Variants in TSPAN18 observed in about 807,000 individuals in gnomAD.
The protein encoded by TSPAN18 is tetraspanin-18.
In TSPAN18, 14 loss-of-function variants were observed where a neutral mutation model predicts 27.3. The observed-to-expected ratio is 0.51, with a 90% confidence interval of 0.34 to 0.80. The LOEUF (loss-of-function observed/expected upper bound fraction) is 0.80, where lower values mean the gene tolerates loss of function less well. Ranked by LOEUF, TSPAN18 falls within the 30% of genes least tolerant of loss-of-function variation. TSPAN18 has a pLI of 0.01. For missense variants in TSPAN18, 268 were observed against 323.9 expected (o/e 0.83, Z 1.32); for synonymous variants, 143 against 136.5 (o/e 1.05, Z -0.33).
At chr11:44,909,996 A>G (rs1483708172) in intron 5 of TSPAN18, 97 bp downstream of exon 5, 5 of 1,412,854 alleles carry the variant, frequency 3.5e-6, no homozygotes, top group Middle Eastern at 1.9e-4. Flanking sequence ...CATTCAGACC[A>G]GTGCTTCCCA....
In TSPAN18 at chr11:44,790,406, C is replaced by CGTGTGTGCAT. The variant is rs528529126; in HGVS notation, c.-153+25912_-153+25921dup. ...GTGTGTGCATGTGCTCTTGCTTGTA[C>CGTGTGTGCAT]GTGTGTGCATGTGTGTGCATGTGTG... On this transcript the variant is annotated intron_variant, in intron 2 of 9. Transcript: ENST00000520358. Among the ~76,000 whole-genome samples, 6 of 123,594 alleles carry CGTGTGTGCAT rather than the reference C, an allele frequency of 4.9e-5. No homozygotes were observed. The East Asian group carries it at 1.4e-3, about 28-fold the overall frequency. The allele number at this position is 123,594 out of a possible 152,430, so 81.1% of individuals were successfully genotyped here.
At chr11:44,819,122 G>GC (rs2135116897) in intron 2 of TSPAN18, among the ~76,000 whole-genome samples, 1 of 152,328 alleles carries the variant, frequency 6.6e-6, no homozygotes, top group Admixed American at 6.5e-5. Context: ...AAGGAGTCAG[G>GC]CTGCTCTGAG....
chr11:44,862,650 C>T (rs1252719739), intron 3 of TSPAN18, among the ~76,000 whole-genome samples: 1 of 152,242 alleles, frequency 6.6e-6, no homozygotes, highest in African/African-American at 2.4e-5. Flanking sequence ...CTGACCTCTC[C>T]TCTGGGAGAT....
At chr11:44,919,716 C>T (rs1020302830) in intron 7 of TSPAN18, 101 bp from the exon 8 acceptor site, 3 of 1,233,568 alleles carry the variant, frequency 2.4e-6, no homozygotes, top group Admixed American at 1.9e-5. Context: ...CACACCCAGT[C>T]TTCTGATGCC....
intron 2 of TSPAN18, among the ~76,000 whole-genome samples, chr11:44,849,057 T>C (rs555471858): frequency 6.7e-4 from 102 of 152,344 alleles, no homozygotes; most frequent in African/African-American, 2.4e-3. Context: ...AGCTGGGTTG[T>C]TGGTTTTGAG....
chr11:44,742,964 C>T (rs2134829403), intron 1 of TSPAN18, among the ~76,000 whole-genome samples: 1 of 152,324 alleles, frequency 6.6e-6, no homozygotes, highest in African/African-American at 2.4e-5. Context: ...GGCATCTGCT[C>T]TCATACTCCT....
At chr11:44,908,778 A>AAGGAAAG (rs1859571946) in intron 4 of TSPAN18, among the ~76,000 whole-genome samples, 1 of 112,398 alleles carries the variant, frequency 8.9e-6, no homozygotes, top group South Asian at 3.2e-4. Context: ...GGAGAAAGAA[A>AAGGAAAG]GAAAGAAAGA....
chr11:44,903,184 G>T (rs1048623673), intron 3 of TSPAN18, among the ~76,000 whole-genome samples: 1 of 152,016 alleles, frequency 6.6e-6, no homozygotes, highest in African/African-American at 2.4e-5. Context: ...ACTGAGCTTG[G>T]CTTGATGGGG....
At chr11:44,790,031 A>G (rs1378714868) in intron 2 of TSPAN18, among the ~76,000 whole-genome samples, 3 of 152,130 alleles carry the variant, frequency 2.0e-5, no homozygotes, top group Non-Finnish European at 4.4e-5. Flanking sequence ...GTGTCCTCAT[A>G]CTGTCCCTGA....
At chr11:44,816,729 C>T (rs1164202184) in intron 2 of TSPAN18, among the ~76,000 whole-genome samples, 1 of 152,212 alleles carries the variant, frequency 6.6e-6, no homozygotes, top group Non-Finnish European at 1.5e-5. Flanking sequence ...AGTTCTGCCT[C>T]CAAATGCAAG....
At chr11:44,800,119 A>T (rs1258113514) in intron 2 of TSPAN18, among the ~76,000 whole-genome samples, 1 of 150,588 alleles carries the variant, frequency 6.6e-6, no homozygotes, top group African/African-American at 2.4e-5. Flanking sequence ...GGCCTCCCAA[A>T]CTGCTGGGGT....
intron 8 of TSPAN18, chr11:44,925,604 A>G (rs986157999): frequency 6.6e-6 from 1 of 152,224 alleles, no homozygotes; most frequent in Admixed American, 6.5e-5. Context: ...AGAAGTGAGC[A>G]TGTCAGCACC....
chr11:44,742,611 C>T (rs1183163823), intron 1 of TSPAN18, among the ~76,000 whole-genome samples: 4 of 152,158 alleles, frequency 2.6e-5, no homozygotes, highest in South Asian at 4.2e-4. Context: ...GTTCACTTCT[C>T]GTGTCTCAAG....
chr11:44,868,573 T>G (rs369406941), intron 3 of TSPAN18, among the ~76,000 whole-genome samples: 74 of 152,290 alleles, frequency 4.9e-4, no homozygotes, highest in East Asian at 1.5e-3. Flanking sequence ...TCCTTGCTGC[T>G]TTCCTAGGGC....
chr11:44,849,475 A>T (rs561881499), intron 2 of TSPAN18, among the ~76,000 whole-genome samples: 9 of 152,292 alleles, frequency 5.9e-5, no homozygotes, highest in African/African-American at 2.2e-4. Flanking sequence ...TGCCCCCAAC[A>T]GAGGCAAGGG....
chr11:44,876,341 G>A (rs906535967), intron 3 of TSPAN18, among the ~76,000 whole-genome samples: 24 of 152,212 alleles, frequency 1.6e-4, no homozygotes, highest in Non-Finnish European at 3.4e-4. Flanking sequence ...CCTGGACACT[G>A]TAGAAGGCAC....
intron 3 of TSPAN18, among the ~76,000 whole-genome samples, chr11:44,883,507 T>C (rs1348656899): frequency 6.6e-6 from 1 of 152,200 alleles, no homozygotes; most frequent in Non-Finnish European, 1.5e-5. Context: ...GGTTACAGGG[T>C]GTGCTGAGGC....
chr11:44,895,474 A>C (rs1357125820), intron 3 of TSPAN18, among the ~76,000 whole-genome samples: 1 of 152,230 alleles, frequency 6.6e-6, no homozygotes, highest in Non-Finnish European at 1.5e-5. Context: ...CCTCTGCAGA[A>C]GCATCAGTGA....
intron 1 of TSPAN18, among the ~76,000 whole-genome samples, chr11:44,735,621 CTTT>C (rs797010014): frequency 1.4e-5 from 2 of 140,530 alleles, no homozygotes; most frequent in Admixed American, 1.4e-4. Flanking sequence ...ATGACCTCCT[CTTT>C]TTTTTTTTTT....
Sources: gnomAD v4.1 joint callset for allele counts (sites outside exome capture counted in the v4.1 genomes callset) on GRCh38, gnomAD v4.1.1 for gene constraint, MANE v1.5 for transcripts, NCBI Gene and HGNC (gene_info 2026-07-23, HGNC 2026-07-21) for gene names.